The following ODAD2 variants were observed in gnomAD, a reference collection of about 807,000 sequenced individuals.
ODAD2 encodes outer dynein arm docking complex subunit 2.
A neutral mutation model predicts 106.8 loss-of-function variants in ODAD2; 89 were observed. The observed-to-expected ratio is 0.83, with a 90% CI of 0.70 to 0.99. ODAD2 has a LOEUF of 0.99. Among genes scored for constraint, ODAD2 ranks in the 50% least tolerant of loss-of-function variants. ODAD2 has a pLI of 0.00. For synonymous variants in ODAD2, 404 were observed against 436.2 expected (o/e 0.93, Z 0.92); for missense variants, 1,168 against 1,238.5 (o/e 0.94, Z 0.85).
intron 12 of ODAD2, among the ~76,000 whole-genome samples, chr10:27,941,752 A>G (rs1469869450): frequency 6.6e-6 from 1 of 152,152 alleles, no homozygotes; most frequent in Non-Finnish European, 1.5e-5. Flanking sequence ...CCTTCCTTGC[A>G]GGCTCACTGT....
chr10:27,826,499 A>G (rs1837055140), intron 19 of ODAD2, among the ~76,000 whole-genome samples: 2 of 152,186 alleles, frequency 1.3e-5, no homozygotes, highest in South Asian at 2.1e-4. Flanking sequence ...ACTCTCAAGC[A>G]TATGTCTTTG....
intron 19 of ODAD2, among the ~76,000 whole-genome samples, chr10:27,837,777 T>G (rs1334532527): frequency 6.6e-6 from 1 of 152,218 alleles, no homozygotes; most frequent in African/African-American, 2.4e-5. Flanking sequence ...GTATTGTAAA[T>G]GAACACAGCA....
chr10:27,837,364 A>C (rs1346434459), intron 19 of ODAD2, among the ~76,000 whole-genome samples: 1 of 152,260 alleles, frequency 6.6e-6, no homozygotes, highest in Non-Finnish European at 1.5e-5. Context: ...AAATGGAATG[A>C]ATGAAAATAT....
At chr10:27,908,975 A>G (rs1009001074) in intron 16 of ODAD2, among the ~76,000 whole-genome samples, 3 of 152,214 alleles carry the variant, frequency 2.0e-5, no homozygotes, top group African/African-American at 7.2e-5. Flanking sequence ...TTCAAACCTA[A>G]AACTTTCATA....
At chr10:27,865,660 G>A (rs1840384878) in intron 17 of ODAD2, among the ~76,000 whole-genome samples, 1 of 152,172 alleles carries the variant, frequency 6.6e-6, no homozygotes, top group African/African-American at 2.4e-5. Flanking sequence ...TTGAATGCCT[G>A]GTACCTATGC....
intron 1 of ODAD2, among the ~76,000 whole-genome samples, chr10:27,997,081 G>A (rs1850600402): frequency 6.6e-6 from 1 of 152,200 alleles, no homozygotes; most frequent in Non-Finnish European, 1.5e-5. Context: ...CAGATAGGGT[G>A]GAGAACAACT....
Position 27,984,198 on chromosome 10 carries a change from A to G in ODAD2, c.668T>C (p.Ile223Thr). Residue 223 changes from isoleucine (I) to threonine (T), a missense_variant, in exon 5 of 20, where the codon ATT (isoleucine) becomes ACT (threonine). Physicochemically the swap from Ile to Thr is moderately conservative, Grantham distance 89 (BLOSUM62 -1). This residue lies in a region of ODAD2 where 430 missense variants were observed against 452.2 expected (regional missense o/e 0.95). Transcript: ENST00000305242. ...AAACATCAAACCTGAGGTATATTCA[A>G]TAGATTCCAAGACTGTTTGGTTTCC... ...GKGNQTVLES[I>T]EYTSDYEFSN... The G allele has an allele frequency of 6.2e-7, 1 of 1,612,184 alleles. No homozygotes were observed. The highest frequency in any genetic ancestry group is 8.5e-7 in the Non-Finnish European group (1 of 1,178,414).
intron 19 of ODAD2, among the ~76,000 whole-genome samples, chr10:27,832,291 G>A (rs1366962780): frequency 1.3e-5 from 2 of 152,088 alleles, no homozygotes; most frequent in African/African-American, 4.8e-5. Flanking sequence ...GGTCTCTCTG[G>A]TTTGATGTTT....
chr10:27,930,439 AAGC>A (rs901865444), intron 16 of ODAD2, among the ~76,000 whole-genome samples: 4 of 151,986 alleles, frequency 2.6e-5, no homozygotes, highest in Non-Finnish European at 5.9e-5. Flanking sequence ...GCTTGAGCCC[AAGC>A]ATTCAAGGCT....
At chr10:27,939,499 T>C (rs1186053988) in intron 14 of ODAD2, among the ~76,000 whole-genome samples, 2 of 152,096 alleles carry the variant, frequency 1.3e-5, no homozygotes, top group African/African-American at 4.8e-5. Context: ...GAGAATCACT[T>C]GAAGCCAGGG....
At chr10:27,961,093 T>C (rs898754647) in intron 10 of ODAD2, among the ~76,000 whole-genome samples, 5 of 152,204 alleles carry the variant, frequency 3.3e-5, no homozygotes, top group Admixed American at 3.3e-4. Flanking sequence ...AACCATGCTA[T>C]GGTTCAAGTG....
At chr10:27,850,403 C>T (rs1839164107) in intron 19 of ODAD2, among the ~76,000 whole-genome samples, 1 of 146,862 alleles carries the variant, frequency 6.8e-6, no homozygotes, top group Non-Finnish European at 1.5e-5. Context: ...TGAGATCACA[C>T]CACTGCACTC....
intron 19 of ODAD2, among the ~76,000 whole-genome samples, chr10:27,821,460 T>C (rs77441321): frequency 0.014 from 2,171 of 152,336 alleles, 55 homozygotes; most frequent in African/African-American, 0.05. Context: ...CTCAGGAATA[T>C]GTTTTCATTT....
intron 19 of ODAD2, among the ~76,000 whole-genome samples, chr10:27,820,727 G>A (rs1836534816): frequency 6.7e-6 from 1 of 149,766 alleles, no homozygotes; most frequent in Admixed American, 6.6e-5. Flanking sequence ...TATCCCATAT[G>A]CTGGTTGGTT....
At chr10:27,986,930 G>A (rs1460986709) in intron 3 of ODAD2, among the ~76,000 whole-genome samples, 1 of 152,226 alleles carries the variant, frequency 6.6e-6, no homozygotes, top group Non-Finnish European at 1.5e-5. Context: ...ATTAAAGGCT[G>A]TCTCTGCTAA....
At chr10:27,958,173 C>T (rs1847861681) in intron 10 of ODAD2, among the ~76,000 whole-genome samples, 1 of 152,122 alleles carries the variant, frequency 6.6e-6, no homozygotes, top group Non-Finnish European at 1.5e-5. Flanking sequence ...TACTGTCTGG[C>T]CAAGAGTATC....
At chr10:27,940,956 G>A (rs1020043658) in intron 12 of ODAD2, 151 bp from the exon 13 acceptor site, 14 of 811,622 alleles carry the variant, frequency 1.7e-5, no homozygotes, top group Non-Finnish European at 2.2e-5. Context: ...TAGCAGCCAC[G>A]GAAAGCAAAG....
intron 19 of ODAD2, among the ~76,000 whole-genome samples, chr10:27,849,545 T>G (rs1468003168): frequency 6.6e-6 from 1 of 151,558 alleles, no homozygotes; most frequent in Admixed American, 6.6e-5. Flanking sequence ...GAACTTAAAA[T>G]ATAATAATAA....
chr10:27,880,601 G>C (rs1841637807), intron 17 of ODAD2, among the ~76,000 whole-genome samples: 1 of 152,168 alleles, frequency 6.6e-6, no homozygotes, highest in Non-Finnish European at 1.5e-5. Flanking sequence ...TGGAGCTCTA[G>C]TGAGTGGAAT....
Sources: allele counts gnomAD v4.1 joint callset (sites outside exome capture counted in the v4.1 genomes callset), GRCh38; gene constraint gnomAD v4.1.1; regional missense constraint gnomAD v4.1.1; transcripts MANE v1.5; gene names NCBI Gene and HGNC (gene_info 2026-07-23, HGNC 2026-07-21).